The following KIF6 variants were observed in gnomAD, a reference collection of about 807,000 sequenced individuals.
KIF6 encodes the protein kinesin-like protein KIF6.
A neutral mutation model predicts 112.7 loss-of-function variants in KIF6; 106 were observed. The observed-to-expected ratio is 0.94, with a 90% CI of 0.80 to 1.11. The LOEUF (loss-of-function observed/expected upper bound fraction) is 1.11, where lower values mean the gene tolerates loss of function less well. Among genes scored for constraint, KIF6 ranks in the 50% least tolerant of loss-of-function variants. The probability of loss-of-function intolerance (pLI) is 0.00; values close to 1 mark genes in which losing one functional copy is unlikely to be tolerated. For missense variants in KIF6, 929 were observed against 964.0 expected, an observed-to-expected ratio of 0.96 and a Z score of 0.48; for synonymous variants, 339 against 339.9, an observed-to-expected ratio of 1.00 and a Z score of 0.03.
intron 3 of KIF6, among the ~76,000 whole-genome samples, chr6:39,664,674 T>G (rs1211691934): frequency 6.6e-6 from 1 of 152,170 alleles, no homozygotes; most frequent in Non-Finnish European, 1.5e-5. Flanking sequence ...CTAGCTTGAA[T>G]TAAAGTTGTG....
At chr6:39,579,345 G>A (rs1781158539) in intron 9 of KIF6, among the ~76,000 whole-genome samples, 1 of 151,996 alleles carries the variant, frequency 6.6e-6, no homozygotes, top group Non-Finnish European at 1.5e-5. Context: ...AGGTCATTTT[G>A]CATATGTATA....
intron 3 of KIF6, among the ~76,000 whole-genome samples, chr6:39,660,144 C>G (rs572780122): frequency 6.6e-6 from 1 of 152,196 alleles, no homozygotes; most frequent in African/African-American, 2.4e-5. Flanking sequence ...GACCCTGTCT[C>G]TAAAATAATT....
intron 4 of KIF6, among the ~76,000 whole-genome samples, chr6:39,638,646 T>A (rs1181866747): frequency 2.0e-5 from 3 of 152,236 alleles, no homozygotes; most frequent in South Asian, 2.1e-4. Flanking sequence ...TTTCTTCTCA[T>A]CTTTGCAACT....
chr6:39,622,832 T>A lies in KIF6; in HGVS notation c.510-9514A>T, dbSNP rs1003981388. 1.3e-5 allele frequency among the ~76,000 whole-genome samples: 2 copies of A among 152,180 alleles called. 1 individual carries two copies. The highest frequency in any genetic ancestry group is 4.8e-5 in the African/African-American group (2 of 41,448). ...CTGGAGGTGAGGCAGCCATTTTGCA[T>A]GATGACTAAAGCTGCCCACTAAGAA... is the stretch of plus-strand genomic sequence containing the variant. On this transcript the variant is annotated intron_variant, in intron 5 of 22. Coordinates refer to ENST00000287152, the MANE Select transcript of KIF6 (RefSeq NM_145027.6).
chr6:39,519,190 G>A (rs1009976032), intron 13 of KIF6, among the ~76,000 whole-genome samples: 14 of 152,036 alleles, frequency 9.2e-5, no homozygotes, highest in Non-Finnish European at 7.4e-5. Context: ...GTCAGCTTGA[G>A]GAAACTAAGT....
chr6:39,537,218 C>CA lies in KIF6; in HGVS notation c.1645+2784dup. ...ATAGTGTTGGAAGTTCTGGCCAGGG[C>CA]ACTCAGGCAGGAGAAGGAAATAAAG... On this transcript the variant is annotated intron_variant, in intron 13 of 22. Transcript: ENST00000287152. 2.6e-5 allele frequency among the ~76,000 whole-genome samples: 4 copies of CA among 152,264 alleles called. No homozygotes were observed. The East Asian group carries it at 7.7e-4, about 29-fold the overall frequency.
intron 3 of KIF6, among the ~76,000 whole-genome samples, chr6:39,656,033 A>T (rs1161895886): frequency 6.6e-6 from 1 of 152,224 alleles, no homozygotes; most frequent in African/African-American, 2.4e-5. Context: ...TGATACACTG[A>T]CTTAGGCTGT....
At chr6:39,403,433 T>G (rs1415337850) in intron 15 of KIF6, among the ~76,000 whole-genome samples, 2 of 152,232 alleles carry the variant, frequency 1.3e-5, no homozygotes, top group African/African-American at 2.4e-5. Context: ...GAGACTGGCT[T>G]CTTTCATCCA....
intron 13 of KIF6, among the ~76,000 whole-genome samples, chr6:39,517,536 A>G (rs776279477): frequency 2.0e-5 from 3 of 152,314 alleles, no homozygotes; most frequent in Non-Finnish European, 4.4e-5. Flanking sequence ...AGCAGTGTCA[A>G]TCTTCCATAA....
At chr6:39,497,452 T>A (rs1159739089) in intron 13 of KIF6, among the ~76,000 whole-genome samples, 1 of 152,188 alleles carries the variant, frequency 6.6e-6, no homozygotes, top group Non-Finnish European at 1.5e-5. Flanking sequence ...ATCTTATTTT[T>A]AACTTCCCAA....
intron 16 of KIF6, among the ~76,000 whole-genome samples, chr6:39,380,517 A>G (rs1423035895): frequency 6.6e-6 from 1 of 152,210 alleles, no homozygotes; most frequent in Admixed American, 6.5e-5. Context: ...ATCCTTATAA[A>G]AGCACATGCA....
chr6:39,400,150 C>T (rs139583566), intron 15 of KIF6, among the ~76,000 whole-genome samples: 324 of 152,244 alleles, frequency 2.1e-3, no homozygotes, highest in African/African-American at 7.0e-3. Flanking sequence ...AAGAAGGAGA[C>T]GCACCCTGTT....
chr6:39,387,498 G>C (rs1767526242), intron 15 of KIF6, among the ~76,000 whole-genome samples: 1 of 152,180 alleles, frequency 6.6e-6, no homozygotes, highest in Non-Finnish European at 1.5e-5. Context: ...TGCATAGAGA[G>C]CGTGGCAGGC....
rs372629139 is a variant in KIF6 at position 39,406,562 on chromosome 6, A to C, written c.1810+13386T>G. Among the ~76,000 whole-genome samples the C allele has an allele frequency of 7.7e-4, 117 of 152,266 alleles. 1 individual carries two copies. The highest frequency in any genetic ancestry group is 1.4e-3 in the Non-Finnish European group (97 of 68,004). On this transcript the variant is annotated intron_variant, in intron 15 of 22. Transcript: ENST00000287152. Reference sequence around the variant, plus strand: ...AAGATGGAAGCTAAGCTTGTTGATTAGATCTTTTCTCTTTGCCACTATATG... The same window carrying C: ...AAGATGGAAGCTAAGCTTGTTGATTCGATCTTTTCTCTTTGCCACTATATG...
chr6:39,471,464 G>A (rs1774114159), intron 13 of KIF6, among the ~76,000 whole-genome samples: 1 of 152,158 alleles, frequency 6.6e-6, no homozygotes, highest in Non-Finnish European at 1.5e-5. Flanking sequence ...CACAGGGCCA[G>A]CGCTCGACAC....
At chr6:39,461,422 G>T (rs748144970) in intron 13 of KIF6, among the ~76,000 whole-genome samples, 1 of 151,996 alleles carries the variant, frequency 6.6e-6, no homozygotes, top group Non-Finnish European at 1.5e-5. Flanking sequence ...ACCAGCAGTG[G>T]CCAATGAAAC....
At chr6:39,389,899 C>T (rs60956482) in intron 15 of KIF6, among the ~76,000 whole-genome samples, 7,691 of 151,768 alleles carry the variant, frequency 0.051, 243 homozygotes, top group African/African-American at 0.085. Flanking sequence ...GGCATGGTGA[C>T]GGGCACCTGT....
intron 18 of KIF6, among the ~76,000 whole-genome samples, chr6:39,357,910 GCTTTC>G (rs1764838924): frequency 6.6e-6 from 1 of 152,214 alleles, no homozygotes; most frequent in African/African-American, 2.4e-5. Flanking sequence ...TATTCTTTAT[GCTTTC>G]CTGTGCTTTC....
chr6:39,368,800 A>T (rs1765756862), intron 16 of KIF6, among the ~76,000 whole-genome samples: 1 of 152,180 alleles, frequency 6.6e-6, no homozygotes, highest in African/African-American at 2.4e-5. Flanking sequence ...ATTTCCAAGC[A>T]TTCACCAAAG....
Sources: gnomAD v4.1 joint callset for allele counts (sites outside exome capture counted in the v4.1 genomes callset) on GRCh38, gnomAD v4.1.1 for gene constraint, MANE v1.5 for transcripts, NCBI Gene and HGNC (gene_info 2026-07-23, HGNC 2026-07-21) for gene names.